BMPR1A: variants seen among roughly 807,000 people sequenced by gnomAD.
BMPR1A encodes bone morphogenetic protein receptor type-1A.
BMPR1A carries 7 observed loss-of-function variants against 66.0 expected under a neutral mutation model. That is an observed-to-expected ratio of 0.11 (90% CI 0.06 to 0.20). The LOEUF is 0.20. Among genes scored for constraint, BMPR1A ranks in the 10% least tolerant of loss-of-function variants. The pLI is 1.00. For missense variants in BMPR1A, 408 were observed against 669.1 expected (o/e 0.61, Z 4.31); for synonymous variants, 200 against 229.7 (o/e 0.87, Z 1.17).
At chr10:86,779,908 T>C (rs993146050) in intron 1 of BMPR1A, among the ~76,000 whole-genome samples, 2 of 152,060 alleles carry the variant, frequency 1.3e-5, no homozygotes, top group African/African-American at 4.8e-5. Context: ...TGCCCTTCTT[T>C]GTTTTTGTTT....
At chr10:86,821,862 G>A (rs577305145) in intron 1 of BMPR1A, among the ~76,000 whole-genome samples, 29 of 151,968 alleles carry the variant, frequency 1.9e-4, no homozygotes, top group Non-Finnish European at 3.2e-4. Flanking sequence ...GGAGTGCAGT[G>A]ACACAATCAT....
chr10:86,912,113 A>G (rs909883464), intron 7 of BMPR1A, 127 bp from the exon 8 acceptor site: 27 of 1,006,358 alleles, frequency 2.7e-5, no homozygotes, highest in Non-Finnish European at 3.9e-5. Flanking sequence ...ATATTATCCA[A>G]TGATAAGACT....
At chr10:86,912,515 G>C in intron 8 of BMPR1A, 131 bp downstream of exon 8, 1 of 1,149,446 alleles carries the variant, frequency 8.7e-7, no homozygotes, top group Non-Finnish European at 1.3e-6. Context: ...TTTAGAAAGA[G>C]GTATGCAGTA....
chr10:86,885,337 TG>T (rs1304703603), intron 3 of BMPR1A, among the ~76,000 whole-genome samples: 1 of 152,226 alleles, frequency 6.6e-6, no homozygotes, highest in African/African-American at 2.4e-5. Context: ...TTTTTTTACA[TG>T]TTGTCTGGCT....
intron 1 of BMPR1A, among the ~76,000 whole-genome samples, chr10:86,834,121 A>G (rs1453867821): frequency 6.6e-6 from 1 of 152,174 alleles, no homozygotes; most frequent in African/African-American, 2.4e-5. Context: ...TAGCAAACTT[A>G]CTTTCTTGTC....
At chr10:86,889,690 T>C in intron 3 of BMPR1A, 1 of 238,884 alleles carries the variant, frequency 4.2e-6, no homozygotes, top group Non-Finnish European at 8.2e-6. Flanking sequence ...GAAACTCAAC[T>C]GCATAATTGT....
At chr10:86,812,075 C>A (rs1219531911) in intron 1 of BMPR1A, among the ~76,000 whole-genome samples, 3 of 151,060 alleles carry the variant, frequency 2.0e-5, no homozygotes, top group Non-Finnish European at 2.9e-5. Flanking sequence ...AAAAAAAAAA[C>A]CCTAAAAATA....
intron 2 of BMPR1A, among the ~76,000 whole-genome samples, chr10:86,869,700 TGAGCTGAGATG>T (rs1473418806): frequency 1.3e-5 from 2 of 151,508 alleles, no homozygotes; most frequent in East Asian, 3.9e-4. Flanking sequence ...GAGGTTGCGG[TGAGCTGAGATG>T]GCGCCATTGC....
chr10:86,908,516 T>A (rs753027773), intron 7 of BMPR1A, among the ~76,000 whole-genome samples: 22 of 152,184 alleles, frequency 1.4e-4, no homozygotes, highest in Admixed American at 2.6e-4. Flanking sequence ...AGTTTCAAAT[T>A]CCTTCAGTGA....
intron 1 of BMPR1A, among the ~76,000 whole-genome samples, chr10:86,787,467 A>G (rs943603839): frequency 6.6e-6 from 1 of 152,244 alleles, no homozygotes; most frequent in Admixed American, 6.5e-5. Flanking sequence ...AAAGGCAGAA[A>G]TAGTAAAATC....
chr10:86,837,273 G>A (rs544021916), intron 1 of BMPR1A, among the ~76,000 whole-genome samples: 20 of 151,612 alleles, frequency 1.3e-4, no homozygotes, highest in Non-Finnish European at 2.1e-4. Context: ...GTGTGTGTGT[G>A]TAATCAGGCT....
At position 86,907,724 on chromosome 10, in the gene BMPR1A, A is replaced by G. The variant is rs548362069; in HGVS notation, c.531-4516A>G. 3.9e-5 allele frequency among the ~76,000 whole-genome samples: 6 copies of G among 152,340 alleles called. No homozygotes were observed. In the South Asian group the frequency reaches 1.2e-3, roughly 32 times the overall value. On this transcript the variant is annotated intron_variant, in intron 7 of 12. Coordinates refer to ENST00000372037, the MANE Select transcript of BMPR1A (RefSeq NM_004329.3). ...AGTGAAATAAGCCAGTCATAGACAA[A>G]TATTACATGTTCTCAATCATACGTG...
At chr10:86,895,389 T>G (rs1843211766) in intron 5 of BMPR1A, among the ~76,000 whole-genome samples, 1 of 151,888 alleles carries the variant, frequency 6.6e-6, no homozygotes. Context: ...AATACAAAAC[T>G]TAGTCAGGCG....
At chr10:86,759,246 C>T (rs1419845763) in intron 1 of BMPR1A, among the ~76,000 whole-genome samples, 1 of 152,294 alleles carries the variant, frequency 6.6e-6, no homozygotes, top group South Asian at 2.1e-4. Context: ...CGCCACTTTT[C>T]TGCCTTCTGT....
chr10:86,890,634 A>G (rs778142358), intron 4 of BMPR1A, among the ~76,000 whole-genome samples: 7 of 152,100 alleles, frequency 4.6e-5, no homozygotes, highest in East Asian at 1.9e-4. Context: ...GGATCTTGCT[A>G]TGTTGCCCAG....
rs138401951 is a variant in BMPR1A, at chr10:86,848,025, G to A, written c.-153+9046G>A. 2.0e-4 allele frequency among the ~76,000 whole-genome samples: 30 copies of A among 151,624 alleles called. No homozygotes were observed. The East Asian group carries it at 3.7e-3, about 19-fold the overall frequency. On this transcript the variant is annotated intron_variant, in intron 2 of 12. Transcript: ENST00000372037. ...TGGCTCACTGCACCCTTCGCCCCCC[G>A]GGTTCAAGCAATTCTCCTGCCTCAG...
intron 1 of BMPR1A, among the ~76,000 whole-genome samples, chr10:86,835,564 AAAAAAAAAAAAAAAAAAAAAAAAAG>A (rs1842334048): frequency 8.9e-6 from 1 of 111,732 alleles, no homozygotes; most frequent in Admixed American, 8.6e-5. Flanking sequence ...AAAAAAAAAA[AAAAAAAAAAAAAAAAAAAAAAAAAG>A]GTGTTTTGGC....
chr10:86,889,178 A>G (rs1274948848), intron 3 of BMPR1A, among the ~76,000 whole-genome samples: 2 of 152,194 alleles, frequency 1.3e-5, no homozygotes, highest in Non-Finnish European at 2.9e-5. Context: ...TTTAGTACCA[A>G]ATATGACAGT....
intron 1 of BMPR1A, among the ~76,000 whole-genome samples, chr10:86,787,936 A>T (rs1841541643): frequency 6.6e-6 from 1 of 151,738 alleles, no homozygotes; most frequent in African/African-American, 2.4e-5. Context: ...AACACTCAGG[A>T]TCACAGTTCA....
Sources: gnomAD v4.1 joint callset for allele counts (sites outside exome capture counted in the v4.1 genomes callset) on GRCh38, gnomAD v4.1.1 for gene constraint, MANE v1.5 for transcripts, NCBI Gene and HGNC (gene_info 2026-07-23, HGNC 2026-07-21) for gene names.